Variants in RIN3 observed in about 807,000 individuals in gnomAD.
RIN3 encodes RAB5 interacting protein 3.
RIN3 carries 54 observed loss-of-function variants against 76.3 expected under a neutral mutation model. The observed-to-expected ratio is 0.71, with a 90% CI of 0.57 to 0.89. The LOEUF is 0.89. RIN3 is among the 40% of genes least tolerant of loss of function. The probability of loss-of-function intolerance (pLI) is 0.00; values close to 1 mark genes in which losing one functional copy is unlikely to be tolerated. For synonymous variants in RIN3, 576 were observed against 564.0 expected (o/e 1.02, Z -0.30); for missense variants, 1,256 against 1,322.1 (o/e 0.95, Z 0.78).
At chr14:92,583,294 T>C (rs1164526386) in intron 3 of RIN3, among the ~76,000 whole-genome samples, 1 of 152,252 alleles carries the variant, frequency 6.6e-6, no homozygotes, top group Non-Finnish European at 1.5e-5. Flanking sequence ...GTGACTCTGC[T>C]CTGTTTGAAG....
At chr14:92,591,117 A>G (rs1328197395) in intron 3 of RIN3, among the ~76,000 whole-genome samples, 1 of 152,182 alleles carries the variant, frequency 6.6e-6, no homozygotes, top group Non-Finnish European at 1.5e-5. Context: ...CAAATGGGGA[A>G]TGTAAGCGGA....
At chr14:92,631,686 C>A (rs1303441804) in intron 4 of RIN3, among the ~76,000 whole-genome samples, 4 of 152,076 alleles carry the variant, frequency 2.6e-5, no homozygotes, top group South Asian at 2.1e-4. Context: ...CTGCATCCTC[C>A]ACCTCCCGAG....
At chr14:92,552,975 C>A (rs899673817) in intron 1 of RIN3, among the ~76,000 whole-genome samples, 11 of 150,978 alleles carry the variant, frequency 7.3e-5, no homozygotes, top group African/African-American at 2.7e-4. Context: ...AGGCCCACTC[C>A]CTCATTACTC....
intron 4 of RIN3, among the ~76,000 whole-genome samples, chr14:92,636,153 G>A (rs1165468666): frequency 6.6e-6 from 1 of 152,122 alleles, no homozygotes; most frequent in East Asian, 1.9e-4. Flanking sequence ...TACGTAAAGT[G>A]CTTAAAACTG....
chr14:92,578,751 G>A (rs887187917), intron 3 of RIN3, among the ~76,000 whole-genome samples: 1 of 152,122 alleles, frequency 6.6e-6, no homozygotes, highest in Non-Finnish European at 1.5e-5. Context: ...GACCAAATGA[G>A]CCAGTTTACT....
intron 1 of RIN3, among the ~76,000 whole-genome samples, chr14:92,544,824 A>T (rs1210552201): frequency 6.6e-6 from 1 of 152,074 alleles, no homozygotes; most frequent in Non-Finnish European, 1.5e-5. Flanking sequence ...TGTTTGCTTC[A>T]GATCTTTTTG....
intron 3 of RIN3, among the ~76,000 whole-genome samples, chr14:92,607,103 G>A (rs1373037753): frequency 6.6e-6 from 1 of 152,192 alleles, no homozygotes; most frequent in Admixed American, 6.5e-5. Flanking sequence ...CACATGAACA[G>A]ACATTTCACC....
At chr14:92,644,097 C>T (rs773497705) in intron 5 of RIN3, among the ~76,000 whole-genome samples, 28 of 151,966 alleles carry the variant, frequency 1.8e-4, no homozygotes, top group Non-Finnish European at 3.4e-4. Flanking sequence ...GGCCTGGTGG[C>T]TCACACCTGT....
intron 7 of RIN3, among the ~76,000 whole-genome samples, 154 bp from the exon 8 acceptor site, chr14:92,676,321 C>T (rs991039255): frequency 4.6e-5 from 7 of 152,078 alleles, no homozygotes; most frequent in Non-Finnish European, 8.8e-5. Flanking sequence ...CTCCCTGGGT[C>T]CTCTCTGTCC....
At chr14:92,641,197 G>A (rs556342273) in intron 4 of RIN3, 41 bp from the exon 5 acceptor site, 22 of 1,467,330 alleles carry the variant, frequency 1.5e-5, no homozygotes, top group South Asian at 2.3e-5. Flanking sequence ...GAATGGACAC[G>A]GTGGACCCAG....
chr14:92,531,532 G>T (rs1184020521), intron 1 of RIN3, among the ~76,000 whole-genome samples: 2 of 152,214 alleles, frequency 1.3e-5, no homozygotes, highest in African/African-American at 2.4e-5. Flanking sequence ...AAGGGCACCT[G>T]GGCCTGGCAG....
At chr14:92,533,282 C>T (rs918576177) in intron 1 of RIN3, among the ~76,000 whole-genome samples, 1 of 152,172 alleles carries the variant, frequency 6.6e-6, no homozygotes, top group African/African-American at 2.4e-5. Context: ...AGTAGCACAA[C>T]CATTATGGAA....
intron 6 of RIN3, among the ~76,000 whole-genome samples, chr14:92,655,810 C>T (rs1482281738): frequency 6.6e-6 from 1 of 152,200 alleles, no homozygotes; most frequent in Non-Finnish European, 1.5e-5. Flanking sequence ...CGAGCATTGG[C>T]GTCCCTGGGA....
chr14:92,588,514 C>G lies in RIN3; in HGVS notation c.367+11037C>G, dbSNP rs1884863083. On this transcript the variant is annotated intron_variant, in intron 3 of 9. Coordinates refer to ENST00000216487, the MANE Select transcript of RIN3 (RefSeq NM_024832.5). Reference sequence around the variant, plus strand: ...GTGCTGGGATTACAGGTGTGAGCCACCATGCCCAGCTGCCATAGCACTCTT... The same window carrying G: ...GTGCTGGGATTACAGGTGTGAGCCAGCATGCCCAGCTGCCATAGCACTCTT... Among the ~76,000 whole-genome samples the G allele has an allele frequency of 2.0e-5, 3 of 152,010 alleles. No homozygotes were observed. In the South Asian group the frequency reaches 6.2e-4, roughly 31 times the overall value.
At position 92,681,082 on chromosome 14, in the gene RIN3, C is replaced by A. The variant is rs1888645504; in HGVS notation, c.2468-3905C>A. 6.6e-6 allele frequency among the ~76,000 whole-genome samples: 1 copy of A among 152,230 alleles called. No homozygotes were observed. Among genetic ancestry groups the A allele is most frequent in the African/African-American group, 2.4e-5 (1 of 41,454 alleles). On this transcript the variant is annotated intron_variant, in intron 8 of 9. Coordinates refer to ENST00000216487, the MANE Select transcript of RIN3 (RefSeq NM_024832.5). This position sits in a 1 kb window ranked among gnomAD's most constrained non-coding sequence, Gnocchi z 4.7. ...GCTAAAATCCTGGCTAGGCTGGTCC[C>A]AAAAGTGCCCTCTTGGACCCCTTTG...
intron 7 of RIN3, among the ~76,000 whole-genome samples, chr14:92,666,985 C>G (rs1888127704): frequency 1.3e-5 from 2 of 152,058 alleles, no homozygotes; most frequent in Non-Finnish European, 2.9e-5. Context: ...GACGTGGGGG[C>G]CAACCGGGTG....
rs1888205187 is a variant in RIN3, at chr14:92,669,191, G to GAAGAAGAT, written c.2336-7280_2336-7273dup. Among the ~76,000 whole-genome samples, 4 of 152,232 alleles carry GAAGAAGAT rather than the reference G, an allele frequency of 2.6e-5. No individual in the cohort carries two copies. The South Asian group carries it at 8.3e-4, about 31-fold the overall frequency. ...CGCTGAGATGTCAGATATAAACAGT[G>GAAGAAGAT]AAGAAGATAAGGTACCTGCCCGAGT... On this transcript the variant is annotated intron_variant, in intron 7 of 9. Coordinates refer to ENST00000216487, the MANE Select transcript of RIN3 (RefSeq NM_024832.5).
At chr14:92,612,553 A>C (rs1885782698) in intron 3 of RIN3, among the ~76,000 whole-genome samples, 1 of 152,160 alleles carries the variant, frequency 6.6e-6, no homozygotes, top group South Asian at 2.1e-4. Context: ...ACTTTTAGTA[A>C]ACATTCATCA....
At chr14:92,537,560 A>G (rs2140011578) in intron 1 of RIN3, among the ~76,000 whole-genome samples, 1 of 151,290 alleles carries the variant, frequency 6.6e-6, no homozygotes, top group South Asian at 2.1e-4. Context: ...ATTGTGATAG[A>G]AGTTACTGAA....
Sources: gnomAD v4.1 joint callset for allele counts (sites outside exome capture counted in the v4.1 genomes callset) on GRCh38, gnomAD v4.1.1 for gene constraint, Gnocchi (gnomAD v3.1) non-coding constraint, MANE v1.5 for transcripts, NCBI Gene and HGNC (gene_info 2026-07-23, HGNC 2026-07-21) for gene names.